Variants in FAM13A observed in about 807,000 individuals in gnomAD.
The protein encoded by FAM13A is protein FAM13A.
In FAM13A, 76 loss-of-function variants were observed where a neutral mutation model predicts 129.6. That is an observed-to-expected ratio of 0.59 (90% confidence interval 0.49 to 0.71). The LOEUF is 0.71. FAM13A is among the 30% of genes least tolerant of loss of function. FAM13A has a pLI of 0.00. For missense variants in FAM13A, 1,108 were observed against 1,249.3 expected, an observed-to-expected ratio of 0.89 and a Z score of 1.70; for synonymous variants, 443 against 449.9, an observed-to-expected ratio of 0.98 and a Z score of 0.20.
intron 6 of FAM13A, among the ~76,000 whole-genome samples, chr4:88,889,981 T>TAG (rs1745073554): frequency 6.6e-6 from 1 of 152,134 alleles, no homozygotes; most frequent in African/African-American, 2.4e-5. Context: ...AACTGGAACA[T>TAG]AGAGGCCAGT....
chr4:89,051,712 T>C (rs888763394), intron 1 of FAM13A, among the ~76,000 whole-genome samples: 4 of 151,728 alleles, frequency 2.6e-5, no homozygotes, highest in African/African-American at 7.3e-5. Flanking sequence ...GCTTCCAAAA[T>C]ACAAAGGTGG....
At chr4:88,881,363 C>T (rs977556628) in intron 6 of FAM13A, among the ~76,000 whole-genome samples, 2 of 152,148 alleles carry the variant, frequency 1.3e-5, no homozygotes, top group Non-Finnish European at 2.9e-5. Flanking sequence ...GTGGCTAGAT[C>T]CAGAAAAGGA....
At chr4:89,000,656 T>A (rs1312262658) in intron 3 of FAM13A, among the ~76,000 whole-genome samples, 1 of 152,198 alleles carries the variant, frequency 6.6e-6, no homozygotes, top group African/African-American at 2.4e-5. Flanking sequence ...TTGTACACTT[T>A]AAGAAGGTCA....
At chr4:88,851,646 G>C (rs1737586884) in intron 6 of FAM13A, among the ~76,000 whole-genome samples, 1 of 152,198 alleles carries the variant, frequency 6.6e-6, no homozygotes, top group African/African-American at 2.4e-5. Context: ...CTACCAATAA[G>C]CAAAACACAA....
intron 7 of FAM13A, among the ~76,000 whole-genome samples, chr4:88,846,254 C>A (rs1160523614): frequency 6.6e-6 from 1 of 152,192 alleles, no homozygotes; most frequent in African/African-American, 2.4e-5. Flanking sequence ...TGCTTACAAA[C>A]AATGGAACTA....
intron 11 of FAM13A, among the ~76,000 whole-genome samples, chr4:88,773,773 C>G (rs1721153691): frequency 6.6e-6 from 1 of 152,172 alleles, no homozygotes; most frequent in African/African-American, 2.4e-5. Context: ...ATATATCTAA[C>G]TGCCTACTTG....
intron 4 of FAM13A, among the ~76,000 whole-genome samples, chr4:88,986,260 A>G (rs1460209535): frequency 6.6e-6 from 1 of 152,000 alleles, no homozygotes; most frequent in African/African-American, 2.4e-5. Context: ...CAGCCTCTCA[A>G]GTAGCTGTGA....
chr4:88,828,092 A>G (rs1310317052), intron 7 of FAM13A, among the ~76,000 whole-genome samples: 1 of 152,118 alleles, frequency 6.6e-6, no homozygotes, highest in African/African-American at 2.4e-5. Context: ...CTTCAGGAAA[A>G]ATCCTACCTA....
chr4:88,796,453 T>C (rs17803482), intron 8 of FAM13A, among the ~76,000 whole-genome samples: 13,929 of 152,094 alleles, frequency 0.092, 818 homozygotes, highest in African/African-American at 0.15. Flanking sequence ...CATATGTATA[T>C]AGGTGCTCAT....
At chr4:88,839,196 T>A (rs1006144680) in intron 7 of FAM13A, among the ~76,000 whole-genome samples, 2 of 152,222 alleles carry the variant, frequency 1.3e-5, no homozygotes, top group African/African-American at 4.8e-5. Flanking sequence ...TATATACCCA[T>A]ATTGTCTTCC....
chr4:89,029,613 T>C lies in FAM13A; in HGVS notation c.64A>G (p.Lys22Glu), dbSNP rs761770708. The change falls in exon 2 of 24, where the codon AAA becomes GAA. Residue 22 changes from lysine to glutamate, a missense_variant. Transcript: ENST00000264344. ...TTTAATGGCACTGCCACTATCTTTT[T>C]CATGTCTTCTTTCAGCCGAACCGCT... Reference protein sequence around the residue: ...KAAVRLKEDMKKIVAVPLNEQ... With the variant: ...KAAVRLKEDMEKIVAVPLNEQ... The C allele has an allele frequency of 6.3e-7, 1 of 1,585,048 alleles. No individual in the cohort carries two copies. Among genetic ancestry groups the C allele is most frequent in the Non-Finnish European group, 8.5e-7 (1 of 1,171,392 alleles).
At chr4:88,796,183 A>G (rs1229699093) in intron 8 of FAM13A, among the ~76,000 whole-genome samples, 1 of 151,770 alleles carries the variant, frequency 6.6e-6, no homozygotes, top group Non-Finnish European at 1.5e-5. Flanking sequence ...TTATTCTATA[A>G]ATTTTCATAT....
chr4:88,972,792 G>A (rs1338280182), intron 4 of FAM13A, among the ~76,000 whole-genome samples: 1 of 152,104 alleles, frequency 6.6e-6, no homozygotes, highest in African/African-American at 2.4e-5. Flanking sequence ...TTTTTTGGTA[G>A]AAATGGGGTT....
rs76972378 is a variant in FAM13A, at chr4:88,918,302, G to A, written c.760-11840C>T. On this transcript the variant is annotated intron_variant, in intron 5 of 23. Transcript: ENST00000264344. ...TTATATAGTAGTTAACTATGTGCAC[G>A]GTTTTCTTCTAAGTGCTTATTACAC... Among the ~76,000 whole-genome samples the A allele has an allele frequency of 8.9e-4, 135 of 152,168 alleles. No individual in the cohort carries two copies. In the East Asian group the frequency reaches 0.011, roughly 12 times the overall value.
At chr4:89,020,277 GC>G (rs201200060) in intron 3 of FAM13A, among the ~76,000 whole-genome samples, 182 bp downstream of exon 3, 3 of 122,632 alleles carry the variant, frequency 2.4e-5, no homozygotes, top group Non-Finnish European at 5.1e-5. Context: ...TTTTTTTTCT[GC>G]CCTTTTTTTT....
intron 6 of FAM13A, among the ~76,000 whole-genome samples, chr4:88,863,861 T>C (rs552483541): frequency 1.3e-5 from 2 of 152,318 alleles, no homozygotes; most frequent in South Asian, 2.1e-4. Context: ...AAGGCCTGGA[T>C]AGAGTCATCA....
chr4:88,955,967 T>C (rs555332599), intron 4 of FAM13A, among the ~76,000 whole-genome samples: 2 of 152,306 alleles, frequency 1.3e-5, no homozygotes, highest in South Asian at 2.1e-4. Context: ...AGGAGCCTAA[T>C]GTTAATCCCC....
intron 13 of FAM13A, among the ~76,000 whole-genome samples, chr4:88,763,570 T>C (rs1745199156): frequency 6.6e-6 from 1 of 152,204 alleles, no homozygotes; most frequent in Non-Finnish European, 1.5e-5. Context: ...CCAAGACTTG[T>C]CCCTGTCCAG....
intron 4 of FAM13A, among the ~76,000 whole-genome samples, chr4:88,988,015 G>A (rs917831863): frequency 6.6e-6 from 1 of 152,110 alleles, no homozygotes; most frequent in Non-Finnish European, 1.5e-5. Context: ...CAATGTGGAT[G>A]CATCAGGAAA....
Sources: allele counts gnomAD v4.1 joint callset (sites outside exome capture counted in the v4.1 genomes callset), GRCh38; gene constraint gnomAD v4.1.1; transcripts MANE v1.5; gene names NCBI Gene and HGNC (gene_info 2026-07-23, HGNC 2026-07-21).